PALMD: variants seen among roughly 807,000 people sequenced by gnomAD.
PALMD encodes the protein palmdelphin.
PALMD carries 42 observed loss-of-function variants against 56.2 expected under a neutral mutation model. The observed-to-expected ratio is 0.75, with a 90% CI of 0.58 to 0.97. The LOEUF (loss-of-function observed/expected upper bound fraction) is 0.97, where lower values mean the gene tolerates loss of function less well. Ranked by LOEUF, PALMD falls within the 50% of genes least tolerant of loss-of-function variation. PALMD has a pLI of 0.00. For missense variants in PALMD, 660 were observed against 643.8 expected (o/e 1.03, Z -0.27); for synonymous variants, 242 against 222.9 (o/e 1.09, Z -0.76).
chr1:99,658,493 C>T (rs1387704712), intron 1 of PALMD, among the ~76,000 whole-genome samples: 5 of 151,718 alleles, frequency 3.3e-5, no homozygotes, highest in African/African-American at 7.3e-5. Flanking sequence ...AAATATAGGC[C>T]GGGCACGGTG....
At chr1:99,654,126 TTC>T (rs1402468226) in intron 1 of PALMD, among the ~76,000 whole-genome samples, 34 of 152,076 alleles carry the variant, frequency 2.2e-4, no homozygotes, top group Non-Finnish European at 1.5e-5. Context: ...TCAACACAAG[TTC>T]CACCACTCGA....
intron 3 of PALMD, among the ~76,000 whole-genome samples, chr1:99,681,463 T>C (rs1397182991): frequency 6.6e-6 from 1 of 152,118 alleles, no homozygotes; most frequent in African/African-American, 2.4e-5. Flanking sequence ...AATATTCTCT[T>C]AACTATGAAT....
At chr1:99,678,112 ATTTTT>A (rs749171548) in intron 3 of PALMD, among the ~76,000 whole-genome samples, 1 of 137,404 alleles carries the variant, frequency 7.3e-6, no homozygotes, top group Admixed American at 7.3e-5. Flanking sequence ...GTCCTTTTCT[ATTTTT>A]TTTTTTTTTT....
In PALMD at chr1:99,689,487, T is replaced by A. The variant is rs1450084292; in HGVS notation, c.1227T>A (p.Asp409Glu). The A allele has an allele frequency of 6.2e-7, 1 of 1,613,598 alleles. No individual in the cohort carries two copies. The highest frequency in any genetic ancestry group is 1.7e-5 in the Admixed American group (1 of 59,904). ...IVHSLPPDINDTEPVTMIFMG... is the reference protein window; with the variant it reads ...IVHSLPPDINETEPVTMIFMG... ...ATTCCCTGCCTCCAGACATAAATGA[T>A]ACAGAACCGGTGACAATGATTTTCA... The change falls in exon 7 of 8, where the codon GAT (aspartate) becomes GAA (glutamate). Residue 409 changes from aspartate to glutamate, a missense_variant. Transcript: ENST00000263174.
At position 99,646,192 on chromosome 1, in the gene PALMD, A is replaced by G. The variant is rs1480600290; in HGVS notation, c.-126A>G. On this transcript the variant is annotated 5_prime_UTR_variant, in exon 1 of 8. Transcript: ENST00000263174. ...AAGTCGGGAATTTCTCTATTTCTCC[A>G]CTGGTGCAAAGAGCGGATTTCTCCC... 4.0e-6 allele frequency: 3 copies of G among 750,736 alleles called. No individual in the cohort carries two copies. Among genetic ancestry groups the G allele is most frequent in the African/African-American group, 3.5e-5 (2 of 57,198 alleles). The allele number at this position is 750,736 out of a possible 1,614,324, so 46.5% of individuals were successfully genotyped here.
At chr1:99,655,208 A>G (rs1652690860) in intron 1 of PALMD, among the ~76,000 whole-genome samples, 1 of 152,182 alleles carries the variant, frequency 6.6e-6, no homozygotes, top group East Asian at 1.9e-4. Context: ...CTCAGCATCT[A>G]TGATGAATCA....
intron 7 of PALMD, among the ~76,000 whole-genome samples, chr1:99,692,008 C>T (rs1299279632): frequency 2.0e-5 from 3 of 152,114 alleles, no homozygotes; most frequent in Non-Finnish European, 4.4e-5. Context: ...TAAGACATGA[C>T]AGAAAAATTC....
At chr1:99,683,666 C>T (rs527823711) in intron 3 of PALMD, 1 of 152,298 alleles carries the variant, frequency 6.6e-6, no homozygotes, top group South Asian at 2.1e-4. Context: ...CCATGTTTGC[C>T]CCATCCAGTC....
intron 4 of PALMD, 27 bp from the exon 5 acceptor site, chr1:99,686,903 A>G (rs746839201): frequency 9.9e-6 from 15 of 1,512,270 alleles, no homozygotes; most frequent in Middle Eastern, 1.7e-4. Flanking sequence ...AACTGTATTA[A>G]TCATGGAGAA....
chr1:99,660,451 G>A (rs1369158512), intron 1 of PALMD, among the ~76,000 whole-genome samples: 2 of 152,120 alleles, frequency 1.3e-5, no homozygotes, highest in African/African-American at 2.4e-5. Flanking sequence ...AAGTAAAATT[G>A]TGCCTGAAAA....
At chr1:99,652,282 T>C (rs1652603454) in intron 1 of PALMD, among the ~76,000 whole-genome samples, 1 of 152,118 alleles carries the variant, frequency 6.6e-6, no homozygotes, top group Non-Finnish European at 1.5e-5. Context: ...AACATCAACA[T>C]CACACCCCTG....
intron 2 of PALMD, among the ~76,000 whole-genome samples, chr1:99,666,432 T>C (rs1388054323): frequency 6.6e-6 from 1 of 152,014 alleles, no homozygotes; most frequent in Non-Finnish European, 1.5e-5. Flanking sequence ...AACTTAATTT[T>C]AAATGTTTTC....
Position 99,689,521 on chromosome 1 carries a change from C to G in PALMD, c.1261C>G (p.Gln421Glu). Residue 421 changes from glutamine to glutamate, a missense_variant, in exon 7 of 8, where the codon CAG becomes GAG. Transcript: ENST00000263174. ...GGTGACAATGATTTTCATGGGGTAT[C>G]AGCAGGCAGAAGACAGTGAAGAAGA... is the stretch of plus-strand genomic sequence containing the variant. The part of the protein sequence containing the change: ...EPVTMIFMGY[Q>E]QAEDSEEDKK... The G allele has an allele frequency of 1.9e-6, 3 of 1,613,742 alleles. No individual in the cohort carries two copies. The highest frequency in any genetic ancestry group is 4.5e-5 in the East Asian group (2 of 44,858).
Position 99,687,177 on chromosome 1 carries a change from C to G in PALMD, c.502C>G (p.Gln168Glu). The change falls in exon 6 of 8, where the codon CAA (glutamine) becomes GAA (glutamate). Residue 168 changes from glutamine to glutamate, a missense_variant. Coordinates refer to ENST00000263174, the MANE Select transcript of PALMD (RefSeq NM_017734.5). The stretch of plus-strand genomic sequence containing the variant: ...AAATGAAGAAAAAGAAGATGATGAA[C>G]AAAATAGGAAAGGTATATGAGAAAT... ...EINEEKEDDE[Q>E]NRKALYAMEI... 3 of 1,601,718 alleles carry G rather than the reference C, an allele frequency of 1.9e-6. No individual in the cohort carries two copies. Among genetic ancestry groups the G allele is most frequent in the Non-Finnish European group, 2.6e-6 (3 of 1,172,348 alleles).
intron 3 of PALMD, among the ~76,000 whole-genome samples, chr1:99,677,145 C>T (rs1051062997): frequency 3.3e-5 from 5 of 152,082 alleles, no homozygotes; most frequent in African/African-American, 1.2e-4. Context: ...TTTAGAAACA[C>T]ATAAATCCTT....
chr1:99,667,051 A>C (rs1478104966), intron 2 of PALMD, among the ~76,000 whole-genome samples: 1 of 152,228 alleles, frequency 6.6e-6, no homozygotes. Context: ...CTAAGTAGGC[A>C]AAACAATAAA....
intron 1 of PALMD, among the ~76,000 whole-genome samples, chr1:99,656,580 C>A (rs1652729036): frequency 6.6e-6 from 1 of 152,186 alleles, no homozygotes. Context: ...ATTGCACTAA[C>A]TTGCCCCTTC....
intron 2 of PALMD, among the ~76,000 whole-genome samples, chr1:99,665,855 G>C (rs576485410): frequency 8.5e-5 from 13 of 152,300 alleles, no homozygotes; most frequent in African/African-American, 3.1e-4. Flanking sequence ...TTTGACCCCA[G>C]GAGCTGAATC....
At position 99,682,955 on chromosome 1, in the gene PALMD, G is replaced by A. The variant is rs551882586; in HGVS notation, c.252-3721G>A. On this transcript the variant is annotated intron_variant, in intron 3 of 7. Transcript: ENST00000263174. Reference sequence around the variant, plus strand: ...TGGGAGGCAGAGGTTACAGTGAGCCGAGATTGCACCACTACACTTCAGCCT... The same window carrying A: ...TGGGAGGCAGAGGTTACAGTGAGCCAAGATTGCACCACTACACTTCAGCCT... Among the ~76,000 whole-genome samples the A allele has an allele frequency of 1.5e-4, 23 of 150,644 alleles. No individual in the cohort carries two copies. The East Asian group carries it at 3.3e-3, about 22-fold the overall frequency.
Sources: gnomAD v4.1 joint callset for allele counts (sites outside exome capture counted in the v4.1 genomes callset) on GRCh38, gnomAD v4.1.1 for gene constraint, MANE v1.5 for transcripts, NCBI Gene and HGNC (gene_info 2026-07-23, HGNC 2026-07-21) for gene names.